SLC25A48: variants seen among roughly 807,000 people sequenced by gnomAD.
The protein encoded by SLC25A48 is CTC-321K16.1.
A neutral mutation model predicts 32.2 loss-of-function variants in SLC25A48; 29 were observed. The observed-to-expected ratio is 0.90, with a 90% CI of 0.67 to 1.23. SLC25A48 has a LOEUF of 1.23. Among genes scored for constraint, SLC25A48 ranks in the 50% most tolerant of loss-of-function variants. SLC25A48 has a pLI of 0.00. For missense variants in SLC25A48, 399 were observed against 422.7 expected, an observed-to-expected ratio of 0.94 and a Z score of 0.49; for synonymous variants, 164 against 172.3, an observed-to-expected ratio of 0.95 and a Z score of 0.38.
intron 4 of SLC25A48, among the ~76,000 whole-genome samples, chr5:135,818,341 A>G (rs1322934113): frequency 1.3e-5 from 2 of 152,182 alleles, no homozygotes; most frequent in Non-Finnish European, 2.9e-5. Flanking sequence ...ATAAATGCCT[A>G]CAAGTCTCAG....
chr5:135,671,205 T>C (rs1014858647), intron 3 of SLC25A48, among the ~76,000 whole-genome samples: 2 of 152,228 alleles, frequency 1.3e-5, no homozygotes, highest in Non-Finnish European at 2.9e-5. Flanking sequence ...TGCCTTTTAA[T>C]CTTGGGCTCA....
intron 3 of SLC25A48, among the ~76,000 whole-genome samples, chr5:135,693,957 T>C (rs1042936336): frequency 3.4e-5 from 2 of 58,392 alleles, no homozygotes; most frequent in Non-Finnish European, 1.0e-4. Flanking sequence ...TGAAACATTC[T>C]GGAGAAAAAA....
intron 3 of SLC25A48, among the ~76,000 whole-genome samples, chr5:135,772,309 A>G (rs1027874125): frequency 6.6e-6 from 1 of 150,844 alleles, no homozygotes; most frequent in East Asian, 2.0e-4. Flanking sequence ...GTACACCCCA[A>G]TGTAATATTG....
At chr5:135,822,308 G>C (rs933923974) in intron 4 of SLC25A48, among the ~76,000 whole-genome samples, 7 of 152,168 alleles carry the variant, frequency 4.6e-5, no homozygotes, top group African/African-American at 1.7e-4. Flanking sequence ...TAGTGTCCTA[G>C]GGCTGCCAGA....
In SLC25A48 at chr5:135,680,254, C is replaced by T. The variant is rs573062647; in HGVS notation, c.-521+45298C>T. Reference sequence around the variant, plus strand: ...CCATTTTGAAGCCCCTCCCCGATTACTGTTACCTTACACTACATCTTGAAA... The same window carrying T: ...CCATTTTGAAGCCCCTCCCCGATTATTGTTACCTTACACTACATCTTGAAA... On this transcript the variant is annotated intron_variant, in intron 3 of 10. Coordinates refer to the SLC25A48 transcript ENST00000646290. 2.6e-4 allele frequency among the ~76,000 whole-genome samples: 40 copies of T among 152,330 alleles called. No homozygotes were observed. In the South Asian group the frequency reaches 7.0e-3, roughly 27 times the overall value.
chr5:135,871,536 C>A lies in SLC25A48; in HGVS notation c.497C>A (p.Thr166Lys). ...TACCAGGGGCCAGTGCACTGCATTA[C>A]AACCATTGTGAGGAATGAGGGCCTG... is the stretch of plus-strand genomic sequence containing the variant. ...PAYQGPVHCI[T>K]TIVRNEGLAG... The change falls in exon 5 of 8, where the codon ACA becomes AAA. Residue 166 changes from threonine to lysine, a missense_variant. Physicochemically the swap from Thr to Lys is moderately conservative, Grantham distance 78. Transcript: ENST00000681962. 1.2e-6 allele frequency: 2 copies of A among 1,614,136 alleles called. No individual in the cohort carries two copies. Among genetic ancestry groups the A allele is most frequent in the South Asian group, 2.2e-5 (2 of 91,072 alleles).
At chr5:135,672,064 G>C (rs78268765) in intron 3 of SLC25A48, among the ~76,000 whole-genome samples, 2 of 152,188 alleles carry the variant, frequency 1.3e-5, no homozygotes, top group Non-Finnish European at 2.9e-5. Context: ...AATTGGAACA[G>C]TTCTCAAATG....
chr5:135,580,031 A>G (rs1015075153), intron 1 of SLC25A48, among the ~76,000 whole-genome samples: 1 of 152,212 alleles, frequency 6.6e-6, no homozygotes, highest in African/African-American at 2.4e-5. Flanking sequence ...TACCCAGGAA[A>G]TGTTACTTAT....
At chr5:135,852,465 C>T in intron 3 of SLC25A48, 98 bp from the exon 4 acceptor site, 4 of 1,421,560 alleles carry the variant, frequency 2.8e-6, no homozygotes, top group South Asian at 1.3e-5. Flanking sequence ...TTCATGGACA[C>T]ATGGGCAGAT....
chr5:135,639,831 A>G (rs2126915506), intron 3 of SLC25A48, among the ~76,000 whole-genome samples: 1 of 152,362 alleles, frequency 6.6e-6, no homozygotes, highest in African/African-American at 2.4e-5. Flanking sequence ...ACAAACAGCA[A>G]TAGCTTTTAA....
In SLC25A48 at chr5:135,843,237, G is replaced by T. The variant is rs76082068; in HGVS notation, c.90+778G>T. ...GGATGGCAGGCAGGACCCAGTGCTG[G>T]GAGATGGGCACACAAAGTGGTGAGT... On this transcript the variant is annotated intron_variant, in intron 2 of 7. Coordinates refer to ENST00000681962, the MANE Select transcript of SLC25A48 (RefSeq NM_001349336.2). Among the ~76,000 whole-genome samples, 61 of 152,298 alleles carry T rather than the reference G, an allele frequency of 4.0e-4. 1 individual carries two copies. The East Asian group carries it at 0.01, about 26-fold the overall frequency.
At chr5:135,723,186 T>C (rs1482484668) in intron 3 of SLC25A48, among the ~76,000 whole-genome samples, 4 of 152,190 alleles carry the variant, frequency 2.6e-5, no homozygotes, top group African/African-American at 9.6e-5. Flanking sequence ...GTATTTGCTC[T>C]TAAGTCTTTT....
At chr5:135,747,247 C>T (rs1165858765) in intron 3 of SLC25A48, among the ~76,000 whole-genome samples, 2 of 151,406 alleles carry the variant, frequency 1.3e-5, no homozygotes, top group Non-Finnish European at 2.9e-5. Context: ...ACTATAGATA[C>T]AGTTTCATAT....
At chr5:135,638,515 A>G (rs1752759076) in intron 3 of SLC25A48, among the ~76,000 whole-genome samples, 1 of 152,250 alleles carries the variant, frequency 6.6e-6, no homozygotes, top group African/African-American at 2.4e-5. Flanking sequence ...ACCTAAACAA[A>G]TAAGTTAGCC....
chr5:135,723,381 C>T (rs1755011283), intron 3 of SLC25A48, among the ~76,000 whole-genome samples: 2 of 12,766 alleles, frequency 1.6e-4, no homozygotes, highest in East Asian at 5.4e-3. Flanking sequence ...CTCTCTCTCT[C>T]ACACACACAC....
chr5:135,778,498 G>A (rs1756628421), intron 3 of SLC25A48, among the ~76,000 whole-genome samples: 1 of 151,740 alleles, frequency 6.6e-6, no homozygotes, highest in Non-Finnish European at 1.5e-5. Flanking sequence ...CAGGGAGGAA[G>A]AGGATGATAT....
intron 2 of SLC25A48, among the ~76,000 whole-genome samples, chr5:135,847,117 G>A (rs1364213698): frequency 6.6e-6 from 1 of 152,172 alleles, no homozygotes; most frequent in Admixed American, 6.5e-5. Context: ...GAGTGCTCTG[G>A]ACACCTCAGA....
At chr5:135,767,187 A>ACCCC (rs34320053) in intron 3 of SLC25A48, among the ~76,000 whole-genome samples, 7 of 144,862 alleles carry the variant, frequency 4.8e-5, no homozygotes, top group South Asian at 2.2e-4. Flanking sequence ...GGACAGGTAC[A>ACCCC]CCCCCCCCCC....
At chr5:135,739,401 C>A (rs1363503686) in intron 3 of SLC25A48, among the ~76,000 whole-genome samples, 1 of 152,178 alleles carries the variant, frequency 6.6e-6, no homozygotes, top group Non-Finnish European at 1.5e-5. Context: ...CAGACTTATG[C>A]TACAGAGGCT....
Sources: gnomAD v4.1 joint callset for allele counts (sites outside exome capture counted in the v4.1 genomes callset) on GRCh38, gnomAD v4.1.1 for gene constraint, MANE v1.5 for transcripts, NCBI Gene and HGNC (gene_info 2026-07-23, HGNC 2026-07-21) for gene names.